The following TRPM5 variants were observed in gnomAD, a reference collection of about 807,000 sequenced individuals.
TRPM5 encodes MLSN1 and TRP-related.
In TRPM5, 121 loss-of-function variants were observed where a neutral mutation model predicts 124.9. The observed-to-expected ratio is 0.97, with a 90% CI of 0.84 to 1.13. TRPM5 has a LOEUF of 1.13. Among genes scored for constraint, TRPM5 ranks in the 50% most tolerant of loss-of-function variants. The pLI is 0.00. For synonymous variants in TRPM5, 781 were observed against 700.5 expected (o/e 1.11, Z -1.81); for missense variants, 1,643 against 1,589.1 (o/e 1.03, Z -0.58).
At chr11:2,443,858 A>G in the TRPM5 span, among the ~76,000 whole-genome samples, 1 of 143,578 alleles carries the variant, frequency 7.0e-6, no homozygotes, top group Admixed American at 7.0e-5. This position sits in a 1 kb window ranked among gnomAD's most constrained non-coding sequence, Gnocchi z 5.0. Flanking sequence ...CTGAGACCCA[A>G]ATGCCAGTAG....
exon 17 of TRPM5, chr11:2,411,727 C>T (rs746739504): frequency 2.9e-5 from 46 of 1,612,556 alleles, no homozygotes; most frequent in Non-Finnish European, 3.8e-5. Context: ...AAGTCCATGG[C>T]GAGGACTGTG....
intron 6 of TRPM5, among the ~76,000 whole-genome samples, 157 bp from the exon 12 acceptor site, chr11:2,417,986 C>T (rs1845710037): frequency 6.6e-6 from 1 of 152,224 alleles, no homozygotes; most frequent in South Asian, 2.1e-4. Flanking sequence ...GGACCACCCG[C>T]AGACCAAGGG....
upstream of TRPM5, among the ~76,000 whole-genome samples, chr11:2,424,926 G>A (rs2133539739): frequency 6.6e-6 from 1 of 152,326 alleles, no homozygotes; most frequent in Non-Finnish European, 1.5e-5. Context: ...CAGGCCTGTG[G>A]AGGCGCCCTG....
chr11:2,441,191 C>T, the TRPM5 span, among the ~76,000 whole-genome samples: 1 of 152,176 alleles, frequency 6.6e-6, no homozygotes, highest in African/African-American at 2.4e-5. This position sits in a 1 kb window ranked among gnomAD's most constrained non-coding sequence, Gnocchi z 7.2. Context: ...TGGACATGTG[C>T]ACCCACCGGA....
chr11:2,406,829 C>A, intron 20 of TRPM5, 36 bp from the exon 26 acceptor site: 1 of 1,592,968 alleles, frequency 6.3e-7, no homozygotes, highest in Non-Finnish European at 8.5e-7. Context: ...ATTACTAGAG[C>A]ATGTGGGCGT....
chr11:2,411,790 G>T, intron 16 of TRPM5, 23 bp from the exon 22 acceptor site: 1 of 1,611,614 alleles, frequency 6.2e-7, no homozygotes, highest in Non-Finnish European at 8.5e-7. Flanking sequence ...AGGCTGATGC[G>T]GCTGCGGGGC....
At chr11:2,404,030 C>G (rs1373574725), downstream of TRPM5, among the ~76,000 whole-genome samples, 1 of 152,196 alleles carries the variant, frequency 6.6e-6, no homozygotes, top group African/African-American at 2.4e-5. Flanking sequence ...AATTGGAAAC[C>G]CCAGGCCTCC....
At chr11:2,422,576 G>A (rs1224343311) in intron 1 of TRPM5, among the ~76,000 whole-genome samples, 1 of 152,012 alleles carries the variant, frequency 6.6e-6, no homozygotes, top group Non-Finnish European at 1.5e-5. Context: ...CCCTTGACCT[G>A]CTGTGTGACC....
In TRPM5 at chr11:2,411,543, C is replaced by CAG. The variant is rs1484416236; in HGVS notation, c.2608-19_2608-18dup. On this transcript the variant is annotated splice_polypyrimidine_tract_variant and intron_variant, in intron 17 of 23. Transcript: ENST00000155858. Reference sequence around the variant, plus strand: ...GTCCTTCATCTCCACGGGGCAGGGGCAGAGAGAGGGACGTCAGCGGCCAGC... The same window carrying CAG: ...GTCCTTCATCTCCACGGGGCAGGGGCAGAGAGAGAGGGACGTCAGCGGCCAGC... 2 of 1,607,598 alleles carry CAG rather than the reference C, an allele frequency of 1.2e-6. No individual in the cohort carries two copies. Among genetic ancestry groups the CAG allele is most frequent in the Non-Finnish European group, 1.7e-6 (2 of 1,176,320 alleles).
chr11:2,409,432 G>T (rs2133504240), intron 18 of TRPM5, among the ~76,000 whole-genome samples: 1 of 152,304 alleles, frequency 6.6e-6, no homozygotes. Context: ...GCGCCACCAG[G>T]CCGGGCTGGA....
the TRPM5 span, among the ~76,000 whole-genome samples, chr11:2,437,615 C>T: frequency 3.9e-5 from 6 of 152,158 alleles, no homozygotes; most frequent in Non-Finnish European, 7.3e-5. This position sits in a 1 kb window ranked among gnomAD's most constrained non-coding sequence, Gnocchi z 5.6. Flanking sequence ...CTGTGGTGCC[C>T]AAACTTGGGG....
upstream of TRPM5, among the ~76,000 whole-genome samples, chr11:2,424,089 C>A (rs1185561369): frequency 6.6e-6 from 1 of 152,242 alleles, no homozygotes; most frequent in Non-Finnish European, 1.5e-5. Context: ...CCCTGTCCGA[C>A]CTGGGGCTAC....
exon 3 of TRPM5, chr11:2,421,172 G>C (rs755108010): frequency 6.5e-7 from 1 of 1,541,496 alleles, no homozygotes; most frequent in South Asian, 1.2e-5. Flanking sequence ...AGGCCCACGC[G>C]GAGGGCACTG....
At chr11:2,410,248 G>A (rs943159689) in intron 18 of TRPM5, among the ~76,000 whole-genome samples, 34 of 152,114 alleles carry the variant, frequency 2.2e-4, no homozygotes, top group Admixed American at 7.2e-4. Context: ...TTTCCATCAC[G>A]GCGTCGCCCC....
exon 22 of TRPM5, chr11:2,406,052 C>A: frequency 6.2e-7 from 1 of 1,612,492 alleles, no homozygotes; most frequent in South Asian, 1.1e-5. Flanking sequence ...GCTTTTCTTG[C>A]TCTCTCAGAC....
At chr11:2,404,073 G>A (rs1281299029), downstream of TRPM5, among the ~76,000 whole-genome samples, 1 of 152,228 alleles carries the variant, frequency 6.6e-6, no homozygotes, top group African/African-American at 2.4e-5. Context: ...CAGGTGTCCA[G>A]TGAGTGCCCT....
intron 22 of TRPM5, 38 bp downstream of exon 27, chr11:2,405,981 G>T: frequency 6.4e-7 from 1 of 1,566,628 alleles, no homozygotes. Context: ...GCAGCCACCC[G>T]CCTCCCATCA....
intron 19 of TRPM5, 105 bp downstream of exon 24, chr11:2,407,654 C>A (rs1328397668): frequency 2.8e-6 from 4 of 1,443,966 alleles, no homozygotes; most frequent in South Asian, 1.3e-5. Context: ...CCAAGCCTCA[C>A]CCTCTGCAGC....
chr11:2,415,895 C>T lies in TRPM5; in HGVS notation c.1128+11G>A. ...ATGATGGGGAGGTGGGTAGGCAGGG[C>T]TGGGAGGCACCTTCCACTCCACGTC... On this transcript the variant is annotated intron_variant, in intron 8 of 23. Coordinates refer to ENST00000155858, the Ensembl canonical transcript of TRPM5. 6.4e-7 allele frequency: 1 copy of T among 1,554,602 alleles called. No individual in the cohort carries two copies. Among genetic ancestry groups the T allele is most frequent in the South Asian group, 1.2e-5 (1 of 84,876 alleles).
Sources: allele counts gnomAD v4.1 joint callset (sites outside exome capture counted in the v4.1 genomes callset), GRCh38; gene constraint gnomAD v4.1.1; non-coding constraint Gnocchi (gnomAD v3.1); transcripts MANE v1.5; gene names NCBI Gene and HGNC (gene_info 2026-07-23, HGNC 2026-07-21).